The following PDE1A variants were observed in gnomAD, a reference collection of about 807,000 sequenced individuals.
The protein encoded by PDE1A is phosphodiesterase 1A, also known as dual specificity calcium/calmodulin-dependent 3',5'-cyclic nucleotide phosphodiesterase 1A.
In PDE1A, 35 loss-of-function variants were observed where a neutral mutation model predicts 61.7. The observed-to-expected ratio is 0.57, with a 90% confidence interval of 0.43 to 0.75. The LOEUF is 0.75. PDE1A is among the 30% of genes least tolerant of loss of function. The probability of loss-of-function intolerance (pLI) is 0.00; values close to 1 mark genes in which losing one functional copy is unlikely to be tolerated. For missense variants in PDE1A, 597 were observed against 630.6 expected (o/e 0.95, Z 0.57); for synonymous variants, 232 against 213.2 (o/e 1.09, Z -0.77).
intron 1 of PDE1A, among the ~76,000 whole-genome samples, chr2:182,356,715 TAG>T (rs1267480328): frequency 2.4e-4 from 37 of 152,034 alleles, no homozygotes; most frequent in Admixed American, 6.6e-5. Flanking sequence ...GCCTGAACGA[TAG>T]AGTGAGACTG....
chr2:182,643,033 G>A, the PDE1A span, among the ~76,000 whole-genome samples: 1 of 152,126 alleles, frequency 6.6e-6, no homozygotes, highest in Non-Finnish European at 1.5e-5. Context: ...ATTTATCTCA[G>A]CCACATCCTC....
chr2:182,527,078 AG>A (rs1362007214), upstream of PDE1A, among the ~76,000 whole-genome samples: 1 of 150,440 alleles, frequency 6.6e-6, no homozygotes, highest in Non-Finnish European at 1.5e-5. Flanking sequence ...ATTCAGGAAA[AG>A]GAAGTAAAAA....
chr2:182,443,983 G>A (rs568594378), intron 2 of PDE1A, among the ~76,000 whole-genome samples: 5 of 152,106 alleles, frequency 3.3e-5, no homozygotes, highest in African/African-American at 4.8e-5. Context: ...GATTTCAGGC[G>A]TGAGCCACCG....
the PDE1A span, among the ~76,000 whole-genome samples, chr2:182,598,383 C>T: frequency 6.6e-6 from 1 of 152,064 alleles, no homozygotes; most frequent in Non-Finnish European, 1.5e-5. Context: ...ACCAGCCTGG[C>T]CAACATGGGG....
chr2:182,337,434 T>C (rs965311555), intron 1 of PDE1A, among the ~76,000 whole-genome samples: 1 of 152,242 alleles, frequency 6.6e-6, no homozygotes, highest in East Asian at 1.9e-4. Context: ...CTTCAGAATG[T>C]AAATAATTGT....
the PDE1A span, among the ~76,000 whole-genome samples, chr2:182,662,538 A>G: frequency 6.6e-6 from 1 of 152,090 alleles, no homozygotes; most frequent in Non-Finnish European, 1.5e-5. Context: ...AAGCCTGCAC[A>G]CCTACAACTG....
intron 2 of PDE1A, among the ~76,000 whole-genome samples, chr2:182,498,726 T>C (rs1024954091): frequency 1.1e-4 from 17 of 151,758 alleles, no homozygotes; most frequent in African/African-American, 3.9e-4. Context: ...AGGCAGATCA[T>C]GAGGTTAGGA....
chr2:182,333,779 A>G (rs1392289525), intron 1 of PDE1A, among the ~76,000 whole-genome samples: 4 of 152,198 alleles, frequency 2.6e-5, no homozygotes, highest in African/African-American at 9.6e-5. Flanking sequence ...CAAAAAATCA[A>G]TGAATCCAGG....
At chr2:182,386,414 G>A (rs561036198) in intron 1 of PDE1A, among the ~76,000 whole-genome samples, 6 of 151,372 alleles carry the variant, frequency 4.0e-5, no homozygotes, top group East Asian at 3.9e-4. Flanking sequence ...GTCTCTGCCC[G>A]GCTGCCCATC....
At chr2:182,332,464 A>G (rs1697479898) in intron 1 of PDE1A, among the ~76,000 whole-genome samples, 1 of 152,136 alleles carries the variant, frequency 6.6e-6, no homozygotes, top group South Asian at 2.1e-4. Context: ...GCCTTTTTGC[A>G]CTGGTTTTTC....
intron 2 of PDE1A, among the ~76,000 whole-genome samples, chr2:182,516,366 A>G (rs1225508493): frequency 6.6e-6 from 1 of 151,808 alleles, no homozygotes. Context: ...AGCCTTTGTG[A>G]TTGGCCAGGC....
chr2:182,508,150 A>G (rs913273306), intron 2 of PDE1A, among the ~76,000 whole-genome samples: 11 of 151,954 alleles, frequency 7.2e-5, no homozygotes, highest in African/African-American at 2.4e-4. Context: ...GATTATCTCA[A>G]TAGATTCAAA....
intron 7 of PDE1A, among the ~76,000 whole-genome samples, chr2:182,210,807 T>C (rs1687520751): frequency 6.6e-6 from 1 of 152,182 alleles, no homozygotes; most frequent in South Asian, 2.1e-4. Flanking sequence ...AGGTCTGTGA[T>C]CCATTTTGAG....
intron 1 of PDE1A, among the ~76,000 whole-genome samples, chr2:182,387,906 T>TA (rs1301255789): frequency 2.0e-5 from 3 of 152,036 alleles, no homozygotes; most frequent in Non-Finnish European, 2.9e-5. Context: ...GTTGAATGGA[T>TA]AAAAAAAGAC....
chr2:182,194,101 T>G (rs1038637732), intron 10 of PDE1A, among the ~76,000 whole-genome samples: 1 of 152,178 alleles, frequency 6.6e-6, no homozygotes, highest in African/African-American at 2.4e-5. Flanking sequence ...CTAATTATTT[T>G]TTTCTTCTTG....
chr2:182,358,623 C>G (rs1484451222), intron 1 of PDE1A, among the ~76,000 whole-genome samples: 2 of 152,002 alleles, frequency 1.3e-5, no homozygotes, highest in Non-Finnish European at 2.9e-5. Flanking sequence ...TGCTGTTTTC[C>G]TATTACACTA....
intron 1 of PDE1A, among the ~76,000 whole-genome samples, chr2:182,412,865 T>C (rs1037861771): frequency 3.9e-5 from 6 of 152,142 alleles, no homozygotes; most frequent in Non-Finnish European, 5.9e-5. Flanking sequence ...CTGAGAAATA[T>C]ACTCAGAAAT....
chr2:182,157,420 C>G (rs1691152823), intron 13 of PDE1A, among the ~76,000 whole-genome samples: 1 of 152,128 alleles, frequency 6.6e-6, no homozygotes. Flanking sequence ...TCAAACATAG[C>G]AAGAGCTATG....
intron 2 of PDE1A, among the ~76,000 whole-genome samples, chr2:182,451,124 A>T (rs1685488180): frequency 1.6e-4 from 3 of 18,356 alleles, no homozygotes; most frequent in Non-Finnish European, 2.2e-4. Flanking sequence ...CACGCCTGTA[A>T]TCCCAGCACT....
Sources: allele counts gnomAD v4.1 joint callset (sites outside exome capture counted in the v4.1 genomes callset), GRCh38; gene constraint gnomAD v4.1.1; transcripts MANE v1.5; gene names NCBI Gene and HGNC (gene_info 2026-07-23, HGNC 2026-07-21).